PADI1: variants seen among roughly 807,000 people sequenced by gnomAD.
PADI1 encodes peptidyl arginine deiminase 1.
PADI1 carries 65 observed loss-of-function variants against 74.8 expected under a neutral mutation model. That is an observed-to-expected ratio of 0.87 (90% confidence interval 0.71 to 1.07). The LOEUF (loss-of-function observed/expected upper bound fraction) is 1.07, where lower values mean the gene tolerates loss of function less well. PADI1 is among the 50% of genes least tolerant of loss of function. PADI1 has a pLI of 0.00. For missense variants in PADI1, 943 were observed against 854.0 expected (o/e 1.10, Z -1.30); for synonymous variants, 371 against 336.2 (o/e 1.10, Z -1.13).
At chr1:17,227,030 T>TAA (rs778670380) in intron 6 of PADI1, among the ~76,000 whole-genome samples, 5 of 125,608 alleles carry the variant, frequency 4.0e-5, no homozygotes, top group African/African-American at 8.9e-5. Flanking sequence ...AGACTCTGTC[T>TAA]AAAAAAAAAA....
intron 11 of PADI1, among the ~76,000 whole-genome samples, chr1:17,236,708 C>A (rs1447794657): frequency 6.6e-6 from 1 of 151,580 alleles, no homozygotes; most frequent in Admixed American, 6.6e-5. Context: ...GAGCCATGCA[C>A]TCCAGCCTCT....
Position 17,222,370 on chromosome 1 carries a change from G to A in PADI1, c.173G>A (p.Arg58His), listed in dbSNP as rs141255010. 3.2e-4 allele frequency: 519 copies of A among 1,613,990 alleles called. 2 individuals carry two copies. In the East Asian group the frequency reaches 6.9e-3, roughly 21 times the overall value. ...VEVFMVYNRT[R>H]VKEPIGKARW... Reference sequence around the variant, plus strand: ...GTCTTCATGGTCTACAACCGCACACGTGTGAAAGAGCCCATAGGCAAGGCC... The same window carrying A: ...GTCTTCATGGTCTACAACCGCACACATGTGAAAGAGCCCATAGGCAAGGCC... Residue 58 changes from arginine to histidine, a missense_variant, in exon 2 of 16, where the codon CGT becomes CAT. Coordinates refer to ENST00000375471, the MANE Select transcript of PADI1 (RefSeq NM_013358.3).
intron 11 of PADI1, among the ~76,000 whole-genome samples, chr1:17,233,300 G>A (rs1199163374): frequency 6.6e-6 from 1 of 152,212 alleles, no homozygotes; most frequent in Non-Finnish European, 1.5e-5. Context: ...AGAAGCTGGG[G>A]AGGTGAGATA....
At chr1:17,214,753 C>G (rs2071929583) in intron 1 of PADI1, among the ~76,000 whole-genome samples, 1 of 152,196 alleles carries the variant, frequency 6.6e-6, no homozygotes, top group African/African-American at 2.4e-5. Context: ...CCAAGGGCAG[C>G]CCTTCATCCA....
At chr1:17,222,151 T>G (rs1045256667) in intron 1 of PADI1, 139 bp from the exon 2 acceptor site, 3 of 634,616 alleles carry the variant, frequency 4.7e-6, no homozygotes, top group African/African-American at 3.7e-5. Flanking sequence ...CCAGTGGCAC[T>G]GCCCTGTGCC....
chr1:17,244,545 G>A lies in PADI1; in HGVS notation c.*302G>A, dbSNP rs1422084109. The A allele has an allele frequency of 8.2e-6, 4 of 485,974 alleles. No homozygotes were observed. The highest frequency in any genetic ancestry group is 1.6e-5 in the Non-Finnish European group (4 of 248,844). The allele number at this position is 485,974 out of a possible 1,614,324, so 30.1% of individuals were successfully genotyped here. ...AGAATGGCTGTGGGAGGCCTAGGGA[G>A]ATGGGCCCCACTTAGAATTGCTCCC... On this transcript the variant is annotated 3_prime_UTR_variant, in exon 16 of 16. Transcript: ENST00000375471.
At chr1:17,229,149 T>C in intron 8 of PADI1, 98 bp downstream of exon 8, 2 of 768,988 alleles carry the variant, frequency 2.6e-6, no homozygotes, top group Non-Finnish European at 4.3e-6. Context: ...ACCGACGGAT[T>C]CATTGCGGGC....
intron 1 of PADI1, among the ~76,000 whole-genome samples, chr1:17,221,384 G>A (rs374092554): frequency 5.0e-4 from 76 of 151,624 alleles, no homozygotes; most frequent in African/African-American, 1.6e-3. Flanking sequence ...TGGGAGAATC[G>A]CTTGAACCTG....
At chr1:17,226,791 T>A (rs1318552410) in intron 6 of PADI1, among the ~76,000 whole-genome samples, 1 of 152,086 alleles carries the variant, frequency 6.6e-6, no homozygotes. Context: ...GGCTCACACC[T>A]GTAATCCTAG....
chr1:17,235,159 G>A, intron 11 of PADI1, among the ~76,000 whole-genome samples: 1 of 142,612 alleles, frequency 7.0e-6, no homozygotes. Flanking sequence ...GAGGGAGGGA[G>A]GGAGGAAGGG....
In PADI1 at chr1:17,244,458, C is replaced by T. The variant is rs1220854289; in HGVS notation, c.*215C>T. On this transcript the variant is annotated 3_prime_UTR_variant, in exon 16 of 16. Transcript: ENST00000375471. ...CCCGAGAAGAATGCACCTCATTCTT[C>T]CCTGGCCTCTTTCCCACCCACAGCC... 1 of 656,034 alleles carries T rather than the reference C, an allele frequency of 1.5e-6. No homozygotes were observed. Among genetic ancestry groups the T allele is most frequent in the Non-Finnish European group, 2.8e-6 (1 of 355,466 alleles). 40.6% of individuals were successfully genotyped at this position (656,034 alleles called of 1,614,324 possible). A position where few individuals can be genotyped will look rare whatever the true frequency, so the allele number is the denominator to read the frequency against.
At chr1:17,230,290 T>A in intron 9 of PADI1, 82 bp downstream of exon 9, 1 of 1,527,106 alleles carries the variant, frequency 6.5e-7, no homozygotes, top group Non-Finnish European at 8.8e-7. Context: ...GGACCCAGTG[T>A]CGCTAGAGAA....
chr1:17,220,117 G>A (rs1305284880), intron 1 of PADI1, among the ~76,000 whole-genome samples: 2 of 151,730 alleles, frequency 1.3e-5, no homozygotes, highest in Non-Finnish European at 2.9e-5. Context: ...TGATTGTAAG[G>A]CCAGGAGTGG....
chr1:17,227,033 A>T (rs2072336245), intron 6 of PADI1, among the ~76,000 whole-genome samples: 1 of 149,988 alleles, frequency 6.7e-6, no homozygotes, highest in Non-Finnish European at 1.5e-5. Flanking sequence ...CTCTGTCTAA[A>T]AAAAAAAAAA....
chr1:17,239,546 C>G (rs41265087), intron 13 of PADI1, 158 bp from the exon 14 acceptor site: 1 of 599,294 alleles, frequency 1.7e-6, no homozygotes, highest in African/African-American at 1.9e-5. Context: ...ATGGCTTGGT[C>G]CCTTCAGGGG....
intron 6 of PADI1, among the ~76,000 whole-genome samples, chr1:17,226,614 A>G (rs1346801530): frequency 1.3e-5 from 2 of 152,154 alleles, no homozygotes; most frequent in Non-Finnish European, 2.9e-5. Context: ...TTTATTAATC[A>G]GCCTGTGGCT....
chr1:17,234,885 G>A (rs2072591005), intron 11 of PADI1, among the ~76,000 whole-genome samples: 1 of 152,146 alleles, frequency 6.6e-6, no homozygotes, highest in Non-Finnish European at 1.5e-5. Context: ...GCGAGGCCAA[G>A]GTGGGTGGAT....
At chr1:17,229,330 G>C (rs1230645875) in intron 8 of PADI1, among the ~76,000 whole-genome samples, 1 of 152,200 alleles carries the variant, frequency 6.6e-6, no homozygotes, top group Non-Finnish European at 1.5e-5. Flanking sequence ...GAACATCTCA[G>C]ATTTAGTCTG....
chr1:17,226,127 T>C lies in PADI1; in HGVS notation c.621T>C (p.Asp207=). The C allele has an allele frequency of 6.2e-7, 1 of 1,614,182 alleles. No individual in the cohort carries two copies. The highest frequency in any genetic ancestry group is 8.5e-7 in the Non-Finnish European group (1 of 1,180,018). Residue 207 remains aspartate, a synonymous_variant, in exon 6 of 16, where the codon GAT becomes GAC. Coordinates refer to ENST00000375471, the MANE Select transcript of PADI1 (RefSeq NM_013358.3). ...TTGTCTTGAACGTGCCCTTTTCTGATTCCAAAAGAGTGAGGGTCTTCTGTG... is the reference window on the plus strand; with the variant it reads ...TTGTCTTGAACGTGCCCTTTTCTGACTCCAAAAGAGTGAGGGTCTTCTGTG... ...HKLVLNVPFS[D]SKRVRVFCAR... is the part of the protein sequence containing the mutation.
Sources: allele counts gnomAD v4.1 joint callset (sites outside exome capture counted in the v4.1 genomes callset), GRCh38; gene constraint gnomAD v4.1.1; transcripts MANE v1.5; gene names NCBI Gene and HGNC (gene_info 2026-07-23, HGNC 2026-07-21).